SLC9C1: variants seen among roughly 807,000 people sequenced by gnomAD.
SLC9C1 encodes the protein sodium/hydrogen exchanger 10.
Under a neutral mutation model 140.9 loss-of-function variants are expected in SLC9C1, and 97 were observed. The observed-to-expected ratio is 0.69, with a 90% CI of 0.58 to 0.82. SLC9C1 has a LOEUF of 0.82. Among genes scored for constraint, SLC9C1 ranks in the 40% least tolerant of loss-of-function variants. The probability of loss-of-function intolerance (pLI) is 0.00; values close to 1 mark genes in which losing one functional copy is unlikely to be tolerated. For missense variants in SLC9C1, 1,340 were observed against 1,389.3 expected (o/e 0.96, Z 0.56); for synonymous variants, 440 against 442.6 (o/e 0.99, Z 0.07).
chr3:112,224,383 T>G (rs2078624256), intron 13 of SLC9C1, among the ~76,000 whole-genome samples: 1 of 126,706 alleles, frequency 7.9e-6, no homozygotes, highest in South Asian at 3.3e-4. Flanking sequence ...TCTGAAGATA[T>G]CAATGCAAGG....
rs2077468000 is a variant in SLC9C1, at chr3:112,183,083, A to T, written c.2524-825T>A. Among the ~76,000 whole-genome samples, 9 of 152,194 alleles carry T rather than the reference A, an allele frequency of 5.9e-5. No homozygotes were observed. In the South Asian group the frequency reaches 1.9e-3, roughly 32 times the overall value. On this transcript the variant is annotated intron_variant, in intron 20 of 28. Coordinates refer to ENST00000305815, the MANE Select transcript of SLC9C1 (RefSeq NM_183061.3). ...CTACGAATATAGTGTACAGATGTAC[A>T]TATTTCTATTGAGTATATGGTTATC...
intron 27 of SLC9C1, among the ~76,000 whole-genome samples, chr3:112,153,242 A>G (rs1021343915): frequency 1.3e-5 from 2 of 152,124 alleles, no homozygotes; most frequent in Admixed American, 6.5e-5. Context: ...AACAACCACC[A>G]TGCCATCATT....
At chr3:112,225,777 A>G (rs9813735) in intron 13 of SLC9C1, among the ~76,000 whole-genome samples, 114,356 of 151,548 alleles carry the variant, frequency 0.75, 43,545 homozygotes, top group East Asian at 0.99. Flanking sequence ...GTAGTTATAT[A>G]GCTATACTTA....
intron 28 of SLC9C1, among the ~76,000 whole-genome samples, chr3:112,146,571 A>G (rs1027372084): frequency 6.6e-6 from 1 of 152,178 alleles, no homozygotes; most frequent in African/African-American, 2.4e-5. Flanking sequence ...GTTTACTCAA[A>G]CATCATTCAG....
chr3:112,186,074 C>T, intron 20 of SLC9C1: 1 of 1,101,830 alleles, frequency 9.1e-7, no homozygotes, highest in Non-Finnish European at 1.2e-6. Context: ...AAATCTTTTG[C>T]CCATTAAAAA....
Position 112,202,314 on chromosome 3 carries a change from A to G in SLC9C1, c.2258T>C (p.Val753Ala), listed in dbSNP as rs774929332. 1 of 1,611,432 alleles carries G rather than the reference A, an allele frequency of 6.2e-7. No individual in the cohort carries two copies. The highest frequency in any genetic ancestry group is 1.1e-5 in the South Asian group (1 of 90,246). ...GGTCATTATGTCTGCTTCGCCTTGGACATAGCCTTTTAGTATTCCATACCA... is the reference window on the plus strand; with the variant it reads ...GGTCATTATGTCTGCTTCGCCTTGGGCATAGCCTTTTAGTATTCCATACCA... ...TFWYGILKGY[V>A]QGEADIMTII... Residue 753 changes from valine (V) to alanine (A), a missense_variant, in exon 18 of 29, where the codon GTC becomes GCC. Val to Ala is a moderately conservative substitution (Grantham distance 64, BLOSUM62 0). Transcript: ENST00000305815.
At chr3:112,250,645 T>C (rs544003831) in intron 10 of SLC9C1, among the ~76,000 whole-genome samples, 28 of 152,198 alleles carry the variant, frequency 1.8e-4, no homozygotes, top group Middle Eastern at 3.4e-3. Context: ...ACGTGAAACA[T>C]GTGAAAATCG....
At position 112,202,237 on chromosome 3, in the gene SLC9C1, A is replaced by C. The variant is rs762565326; in HGVS notation, c.2322+13T>G. 1 of 1,607,842 alleles carries C rather than the reference A, an allele frequency of 6.2e-7. No individual in the cohort carries two copies. Among genetic ancestry groups the C allele is most frequent in the African/African-American group, 1.3e-5 (1 of 74,714 alleles). ...TGAGTGAACTCTTTTCTTAGGATTT[A>C]AGGTTTTCTTACCTGTTTAATCTGT... On this transcript the variant is annotated intron_variant, in intron 18 of 28. Coordinates refer to ENST00000305815, the MANE Select transcript of SLC9C1 (RefSeq NM_183061.3).
chr3:112,211,160 A>G (rs1231221434), intron 15 of SLC9C1, among the ~76,000 whole-genome samples: 2 of 152,236 alleles, frequency 1.3e-5, no homozygotes, highest in East Asian at 3.9e-4. Flanking sequence ...AATATGCAAA[A>G]ATTTTTAAAA....
intron 10 of SLC9C1, among the ~76,000 whole-genome samples, chr3:112,256,463 A>G (rs541433046): frequency 6.6e-6 from 1 of 152,288 alleles, no homozygotes; most frequent in East Asian, 1.9e-4. Flanking sequence ...AGAAGTTAAG[A>G]CAAACTATAT....
chr3:112,274,347 G>GA (rs572224498), intron 6 of SLC9C1, among the ~76,000 whole-genome samples: 1 of 151,888 alleles, frequency 6.6e-6, no homozygotes, highest in Non-Finnish European at 1.5e-5. Flanking sequence ...TGATAAAGGG[G>GA]AAAAAAAGTA....
chr3:112,231,186 CCTCT>C (rs200789201), intron 13 of SLC9C1, among the ~76,000 whole-genome samples, 171 bp downstream of exon 13: 2,453 of 147,452 alleles, frequency 0.017, 63 homozygotes, highest in African/African-American at 0.056. Context: ...TTCTTTCTTT[CCTCT>C]CTCTCTTTCT....
intron 19 of SLC9C1, among the ~76,000 whole-genome samples, chr3:112,200,455 T>C (rs2077878294): frequency 6.6e-6 from 1 of 152,054 alleles, no homozygotes; most frequent in South Asian, 2.1e-4. Context: ...TACATAATCA[T>C]AGCATGCCAA....
rs1028031833 is a variant in SLC9C1, at chr3:112,140,937, G to A, written c.*335C>T. 1.4e-5 allele frequency: 3 copies of A among 220,878 alleles called. No individual in the cohort carries two copies. The highest frequency in any genetic ancestry group is 5.7e-5 in the Admixed American group (1 of 17,492). The allele number at this position is 220,878 out of a possible 1,614,324, so 13.7% of individuals were successfully genotyped here. The stretch of plus-strand genomic sequence containing the variant: ...TAATACATTTTATTTTTCATAAAGT[G>A]AACCAAACCATTATTGCTGTAAGAG... On this transcript the variant is annotated 3_prime_UTR_variant, in exon 29 of 29. Coordinates refer to ENST00000305815, the MANE Select transcript of SLC9C1 (RefSeq NM_183061.3).
chr3:112,198,871 T>A (rs1349767730), intron 20 of SLC9C1, among the ~76,000 whole-genome samples: 1 of 152,002 alleles, frequency 6.6e-6, no homozygotes, highest in Non-Finnish European at 1.5e-5. Flanking sequence ...ACTTACAGAA[T>A]GAATTGGGAT....
At chr3:112,164,340 G>A (rs202042944) in intron 26 of SLC9C1, among the ~76,000 whole-genome samples, 19 of 142,568 alleles carry the variant, frequency 1.3e-4, no homozygotes, top group East Asian at 6.4e-4. Flanking sequence ...TATTTTGCTC[G>A]TTAGTGGATG....
At chr3:112,165,484 T>G (rs1289621262) in intron 26 of SLC9C1, among the ~76,000 whole-genome samples, 1 of 152,228 alleles carries the variant, frequency 6.6e-6, no homozygotes, top group Admixed American at 6.5e-5. Context: ...CTTTTCCTTC[T>G]AACAGTCAGG....
At chr3:112,193,189 G>A (rs573071277) in intron 20 of SLC9C1, among the ~76,000 whole-genome samples, 18 of 152,276 alleles carry the variant, frequency 1.2e-4, no homozygotes, top group East Asian at 3.9e-4. Flanking sequence ...TAGACTTGCC[G>A]GACTGCCTCT....
chr3:112,221,214 C>G lies in SLC9C1; in HGVS notation c.1584G>C (p.Gln528His). 1.2e-6 allele frequency: 2 copies of G among 1,613,376 alleles called. No individual in the cohort carries two copies. The highest frequency in any genetic ancestry group is 1.7e-6 in the Non-Finnish European group (2 of 1,179,620). Reference sequence around the variant, plus strand: ...ACAGAATCTCATTCCTGTATTGTCTCTGGTAGCTTGCCTAAAAAAATATTA... The same window carrying G: ...ACAGAATCTCATTCCTGTATTGTCTGTGGTAGCTTGCCTAAAAAAATATTA... Reference protein sequence around the residue: ...RLLSAQIASYQRQYRNEILSQ... With the variant: ...RLLSAQIASYHRQYRNEILSQ... The change falls in exon 14 of 29, where the codon CAG (glutamine) becomes CAC (histidine). Residue 528 changes from glutamine to histidine, a missense_variant. Physicochemically the swap from Gln to His is conservative, Grantham distance 24. Transcript: ENST00000305815.
Sources: allele counts gnomAD v4.1 joint callset (sites outside exome capture counted in the v4.1 genomes callset), GRCh38; gene constraint gnomAD v4.1.1; transcripts MANE v1.5; gene names NCBI Gene and HGNC (gene_info 2026-07-23, HGNC 2026-07-21).